Variants in ZC3H3 observed in about 807,000 individuals in gnomAD.
The protein encoded by ZC3H3 is zinc finger CCCH-type containing 3.
A neutral mutation model predicts 77.3 loss-of-function variants in ZC3H3; 36 were observed. The observed-to-expected ratio is 0.47, with a 90% CI of 0.36 to 0.61. ZC3H3 has a LOEUF of 0.61. Ranked by LOEUF, ZC3H3 falls within the 20% of genes least tolerant of loss-of-function variation. ZC3H3 has a pLI of 0.00. For synonymous variants in ZC3H3, 626 were observed against 555.2 expected, an observed-to-expected ratio of 1.13 and a Z score of -1.79; for missense variants, 1,331 against 1,312.2, an observed-to-expected ratio of 1.01 and a Z score of -0.22.
At chr8:143,502,749 G>GCAAATCTA (rs1821563633) in intron 4 of ZC3H3, among the ~76,000 whole-genome samples, 1 of 152,206 alleles carries the variant, frequency 6.6e-6, no homozygotes, top group African/African-American at 2.4e-5. Context: ...GAGGGCACCG[G>GCAAATCTA]CAAATCTACA....
In ZC3H3 at chr8:143,468,045, C is replaced by A. The variant is rs537217057; in HGVS notation, c.2175+164G>T. The stretch of plus-strand genomic sequence containing the variant: ...GGGAAGAGGAAGCCCAGCTGCAAAG[C>A]CTGCAATGGGGTAGAGACGGTACAG... On this transcript the variant is annotated intron_variant, in intron 8 of 11. Transcript: ENST00000262577. Among the ~76,000 whole-genome samples, 10 of 152,314 alleles carry A rather than the reference C, an allele frequency of 6.6e-5. No homozygotes were observed. The East Asian group carries it at 1.9e-3, about 29-fold the overall frequency.
chr8:143,538,914 T>G lies in ZC3H3; in HGVS notation c.453A>C (p.Glu151Asp), dbSNP rs3750207. The change falls in exon 2 of 12, where the codon GAA becomes GAC. Residue 151 changes from glutamate (E) to aspartate (D), a missense_variant. Around this residue, in one of 3 missense-constraint regions of ZC3H3, gnomAD observed 978 missense variants for 915.5 expected, o/e 1.07. Coordinates refer to ENST00000262577, the MANE Select transcript of ZC3H3 (RefSeq NM_015117.3). ...AQRGSLEEFEETPWSDQRPRE... is the reference protein window; with the variant it reads ...AQRGSLEEFEDTPWSDQRPRE... ...GGGGCCTTTGGTCACTCCAGGGGGT[T>G]TCCTCAAATTCTTCCAAAGAGCCCC... 557,657 of 1,612,548 alleles carry G rather than the reference T, an allele frequency of 0.35. 99,721 individuals are homozygous for G. The highest frequency in any genetic ancestry group is 0.54 in the African/African-American group (40,512 of 74,970).
At chr8:143,523,639 G>A in intron 3 of ZC3H3, 1 of 718,396 alleles carries the variant, frequency 1.4e-6, no homozygotes, top group Non-Finnish European at 1.7e-6. Context: ...GCTTGGGCAG[G>A]CAGACCCTCT....
intron 3 of ZC3H3, among the ~76,000 whole-genome samples, chr8:143,525,233 G>T (rs1454102162): frequency 1.3e-5 from 2 of 152,242 alleles, no homozygotes; most frequent in Non-Finnish European, 2.9e-5. Context: ...CCCAGGAGCT[G>T]GTGACAGTAC....
chr8:143,439,156 C>T lies in ZC3H3; in HGVS notation c.2815+885G>A, dbSNP rs938458030. ...CTGCCTCGGGGCCCCATCTGCTCCC[C>T]GACCCCAGAGAGGCCCACCCAGATG... On this transcript the variant is annotated intron_variant, in intron 11 of 11. Transcript: ENST00000262577. 2.6e-5 allele frequency among the ~76,000 whole-genome samples: 4 copies of T among 152,022 alleles called. No individual in the cohort carries two copies. In the South Asian group the frequency reaches 6.3e-4, roughly 24 times the overall value.
chr8:143,473,724 G>A (rs1377010821), intron 5 of ZC3H3, among the ~76,000 whole-genome samples: 1 of 152,222 alleles, frequency 6.6e-6, no homozygotes, highest in Non-Finnish European at 1.5e-5. Flanking sequence ...TCATGGCTTT[G>A]TCCCTGGGGG....
intron 5 of ZC3H3, among the ~76,000 whole-genome samples, chr8:143,470,556 G>A (rs1299151751): frequency 6.6e-6 from 1 of 152,190 alleles, no homozygotes; most frequent in Non-Finnish European, 1.5e-5. Flanking sequence ...GCGGCAATGC[G>A]GCGGTCTGTC....
chr8:143,531,073 C>T (rs1271027347), intron 3 of ZC3H3, among the ~76,000 whole-genome samples: 1 of 151,936 alleles, frequency 6.6e-6, no homozygotes, highest in Non-Finnish European at 1.5e-5. Flanking sequence ...AATCCTCTCA[C>T]CCCAGCCTCC....
chr8:143,496,427 T>A (rs1185359505), intron 4 of ZC3H3, among the ~76,000 whole-genome samples: 1 of 152,158 alleles, frequency 6.6e-6, no homozygotes, highest in Non-Finnish European at 1.5e-5. Flanking sequence ...TGCCCAGGAA[T>A]GAGAGGACAC....
chr8:143,442,488 C>T (rs1267397531), intron 9 of ZC3H3, among the ~76,000 whole-genome samples: 1 of 151,718 alleles, frequency 6.6e-6, no homozygotes, highest in Non-Finnish European at 1.5e-5. Flanking sequence ...GCCCTGCCAC[C>T]AGCACAGGCA....
intron 3 of ZC3H3, among the ~76,000 whole-genome samples, chr8:143,513,461 C>T (rs993326403): frequency 7.9e-5 from 12 of 152,220 alleles, no homozygotes; most frequent in African/African-American, 2.2e-4. Flanking sequence ...CCAGGCCCCA[C>T]GCTGGAGACT....
At chr8:143,441,734 C>T (rs1033465854) in intron 9 of ZC3H3, among the ~76,000 whole-genome samples, 3 of 152,178 alleles carry the variant, frequency 2.0e-5, no homozygotes, top group African/African-American at 7.2e-5. Flanking sequence ...AAGAGGCTGC[C>T]CAAGGCCCCA....
In ZC3H3 at chr8:143,525,880, G is replaced by T. The variant is rs544026640; in HGVS notation, c.1561+10377C>A. 5.9e-5 allele frequency among the ~76,000 whole-genome samples: 9 copies of T among 152,358 alleles called. No individual in the cohort carries two copies. In the East Asian group the frequency reaches 1.7e-3, roughly 29 times the overall value. On this transcript the variant is annotated intron_variant, in intron 3 of 11. Coordinates refer to ENST00000262577, the MANE Select transcript of ZC3H3 (RefSeq NM_015117.3). ...TGCCTCTGCACCACTCTCCCAGGAG[G>T]CCTCCCCACCCAGCTGGATGCCACG...
At chr8:143,452,297 A>C (rs552080076) in intron 9 of ZC3H3, among the ~76,000 whole-genome samples, 1 of 152,224 alleles carries the variant, frequency 6.6e-6, no homozygotes, top group Non-Finnish European at 1.5e-5. Context: ...TCCTTCCCCC[A>C]AGGCAGGGAG....
At chr8:143,472,714 C>T (rs2004098) in intron 5 of ZC3H3, among the ~76,000 whole-genome samples, 210 of 152,346 alleles carry the variant, frequency 1.4e-3, no homozygotes, top group African/African-American at 3.3e-3. Flanking sequence ...CACAGGATCC[C>T]GGCGAGGGCT....
At position 143,538,802 on chromosome 8, in the gene ZC3H3, G is replaced by A; in HGVS notation, c.565C>T (p.Leu189Phe). ...ARGTCSVEDP[L>F]LVCQKEPGKP... ...CCAGGCTCCTTCTGGCAGACCAGAA[G>A]AGGATCTTCCACACTGCAGGTCCCC... Residue 189 changes from leucine to phenylalanine, a missense_variant, in exon 2 of 12, where the codon CTT becomes TTT. Around this residue, in one of 3 missense-constraint regions of ZC3H3, gnomAD observed 978 missense variants for 915.5 expected, o/e 1.07. Coordinates refer to ENST00000262577, the MANE Select transcript of ZC3H3 (RefSeq NM_015117.3). 3 of 1,612,448 alleles carry A rather than the reference G, an allele frequency of 1.9e-6. No individual in the cohort carries two copies. The highest frequency in any genetic ancestry group is 1.7e-6 in the Non-Finnish European group (2 of 1,179,866).
At position 143,437,980 on chromosome 8, in the gene ZC3H3, G is replaced by GTAC; in HGVS notation, c.*75_*76insGTA. 5 of 1,560,658 alleles carry GTAC rather than the reference G, an allele frequency of 3.2e-6. No individual in the cohort carries two copies. The South Asian group carries it at 5.9e-5, about 18-fold the overall frequency. ...TGGTGGCGGGCGGCCCTCCTGTGGG[G>GTAC]TAGAGTGGTGGACAGAGCCTCTTTC... is the stretch of plus-strand genomic sequence containing the variant. On this transcript the variant is annotated 3_prime_UTR_variant, in exon 12 of 12. Coordinates refer to ENST00000262577, the MANE Select transcript of ZC3H3 (RefSeq NM_015117.3).
chr8:143,509,161 C>T (rs746323057), intron 3 of ZC3H3, among the ~76,000 whole-genome samples: 1 of 152,184 alleles, frequency 6.6e-6, no homozygotes, highest in Non-Finnish European at 1.5e-5. Flanking sequence ...ACACTTGGCC[C>T]CAACATGACA....
intron 11 of ZC3H3, 130 bp downstream of exon 11, chr8:143,439,911 A>T: frequency 3.9e-6 from 2 of 517,920 alleles, no homozygotes; most frequent in Non-Finnish European, 5.9e-6. Context: ...TGGGGGCCCG[A>T]GCCAGGCCAT....
Sources: allele counts gnomAD v4.1 joint callset (sites outside exome capture counted in the v4.1 genomes callset), GRCh38; gene constraint gnomAD v4.1.1; regional missense constraint gnomAD v4.1.1; transcripts MANE v1.5; gene names NCBI Gene and HGNC (gene_info 2026-07-23, HGNC 2026-07-21).